ABLIM3: variants seen among roughly 807,000 people sequenced by gnomAD.
ABLIM3 encodes actin binding LIM protein family member 3.
In ABLIM3, 61 loss-of-function variants were observed where a neutral mutation model predicts 109.5. That is an observed-to-expected ratio of 0.56 (90% CI 0.45 to 0.69). The LOEUF is 0.69. Among genes scored for constraint, ABLIM3 ranks in the 30% least tolerant of loss-of-function variants. The probability of loss-of-function intolerance (pLI) is 0.00; values close to 1 mark genes in which losing one functional copy is unlikely to be tolerated. For missense variants in ABLIM3, 796 were observed against 889.5 expected, an observed-to-expected ratio of 0.89 and a Z score of 1.34; for synonymous variants, 300 against 324.8, an observed-to-expected ratio of 0.92 and a Z score of 0.82.
rs1321731648 is a variant in ABLIM3 at position 149,207,069 on chromosome 5, G to A, written c.510G>A (p.Gln170=). Residue 170 remains glutamine, a synonymous_variant, in exon 6 of 24, where the codon CAG becomes CAA. Transcript: ENST00000309868. ...HGQSLLALDK[Q]WHVSCFKCQT... ...AGTCACTCCTGGCTCTGGACAAGCAGTGGCACGTCAGCTGCTTCAAGTGCC... is the reference window on the plus strand; with the variant it reads ...AGTCACTCCTGGCTCTGGACAAGCAATGGCACGTCAGCTGCTTCAAGTGCC... The A allele has an allele frequency of 6.2e-7, 1 of 1,614,092 alleles. No individual in the cohort carries two copies. The highest frequency in any genetic ancestry group is 8.5e-7 in the Non-Finnish European group (1 of 1,180,000).
At chr5:149,216,136 CTCTA>C (rs1429226884) in intron 7 of ABLIM3, among the ~76,000 whole-genome samples, 6 of 152,288 alleles carry the variant, frequency 3.9e-5, no homozygotes, top group African/African-American at 1.4e-4. Context: ...GGATCTGGGG[CTCTA>C]CAGTGGGTCC....
intron 23 of ABLIM3, among the ~76,000 whole-genome samples, chr5:149,253,879 G>A (rs576417711): frequency 6.6e-6 from 1 of 152,278 alleles, no homozygotes; most frequent in Non-Finnish European, 1.5e-5. Flanking sequence ...ACCTGAGACT[G>A]GGTAATTTAT....
chr5:149,249,611 G>C (rs868155770), intron 18 of ABLIM3, among the ~76,000 whole-genome samples: 7 of 152,304 alleles, frequency 4.6e-5, no homozygotes, highest in East Asian at 3.9e-4. Flanking sequence ...CAGGTGCCAG[G>C]CTGGGAGCTG....
chr5:149,218,665 C>CT (rs1581158698), intron 8 of ABLIM3: 1 of 152,288 alleles, frequency 6.6e-6, no homozygotes, highest in African/African-American at 2.4e-5. Context: ...ACTCATGGCC[C>CT]TTTCCCTTGT....
At chr5:149,180,244 C>A (rs1290391635) in intron 2 of ABLIM3, among the ~76,000 whole-genome samples, 2 of 152,134 alleles carry the variant, frequency 1.3e-5, no homozygotes, top group Non-Finnish European at 2.9e-5. Flanking sequence ...GTGACTGAAA[C>A]TTTGCATTTT....
At chr5:149,181,513 G>A (rs1756455510) in intron 2 of ABLIM3, among the ~76,000 whole-genome samples, 1 of 152,216 alleles carries the variant, frequency 6.6e-6, no homozygotes, top group South Asian at 2.1e-4. Context: ...TAAACTGCAT[G>A]AAAGAAAGAT....
chr5:149,209,034 C>G (rs559834373), intron 6 of ABLIM3, among the ~76,000 whole-genome samples: 74 of 152,246 alleles, frequency 4.9e-4, no homozygotes, highest in Admixed American at 1.0e-3. Flanking sequence ...AACATGTGCC[C>G]AGGTGAAGCC....
chr5:149,159,948 C>T (rs992065763), intron 2 of ABLIM3, among the ~76,000 whole-genome samples: 2 of 152,170 alleles, frequency 1.3e-5, no homozygotes, highest in East Asian at 1.9e-4. Context: ...CAGCCCTCTC[C>T]CATCCTTGTA....
intron 2 of ABLIM3, among the ~76,000 whole-genome samples, chr5:149,166,714 A>G (rs572523749): frequency 6.6e-6 from 1 of 152,362 alleles, no homozygotes; most frequent in Non-Finnish European, 1.5e-5. Flanking sequence ...CTTTGCAAAC[A>G]TTCTAAAGAA....
At chr5:149,246,662 G>A in intron 17 of ABLIM3, 116 bp downstream of exon 17, 1 of 1,055,638 alleles carries the variant, frequency 9.5e-7, no homozygotes, top group East Asian at 2.7e-5. Context: ...AAAAAGAAAA[G>A]CATAGCTTTG....
chr5:149,157,524 G>A lies in ABLIM3; in HGVS notation c.13+15416G>A, dbSNP rs143859718. ...CATGGTGTTCTGTCCCCCACCCCCC[G>A]CCCCTGAGAATGACATATGACTTAT... On this transcript the variant is annotated intron_variant, in intron 2 of 23. Transcript: ENST00000309868. 4.8e-3 allele frequency among the ~76,000 whole-genome samples: 469 copies of A among 98,336 alleles called. 4 individuals are homozygous for A. The highest frequency in any genetic ancestry group is 0.019 in the African/African-American group (442 of 23,308). The allele number at this position is 98,336 out of a possible 152,430, so 64.5% of individuals were successfully genotyped here.
chr5:149,195,337 C>T (rs947959557), intron 3 of ABLIM3, among the ~76,000 whole-genome samples: 1 of 152,174 alleles, frequency 6.6e-6, no homozygotes, highest in Non-Finnish European at 1.5e-5. Flanking sequence ...GCATTTATTC[C>T]GGATTTGCTC....
intron 7 of ABLIM3, among the ~76,000 whole-genome samples, chr5:149,213,359 A>G (rs1438623606): frequency 6.6e-6 from 1 of 152,168 alleles, no homozygotes; most frequent in Non-Finnish European, 1.5e-5. Flanking sequence ...TGGGAAGAGA[A>G]TCGGGCATTC....
Position 149,174,937 on chromosome 5 carries a change from A to G in ABLIM3, c.14-8515A>G, listed in dbSNP as rs555466217. 1.2e-4 allele frequency among the ~76,000 whole-genome samples: 18 copies of G among 152,336 alleles called. No individual in the cohort carries two copies. In the South Asian group the frequency reaches 3.7e-3, roughly 32 times the overall value. On this transcript the variant is annotated intron_variant, in intron 2 of 23. Transcript: ENST00000309868. ...AGAGGATGCTTAGGAAGCGCATAGC[A>G]CAATGCCTGGCACATAGTGATTGCT...
Position 149,240,528 on chromosome 5 carries a change from C to T in ABLIM3, c.1205-148C>T, listed in dbSNP as rs181941572. The T allele has an allele frequency of 6.4e-5, 42 of 652,124 alleles. 1 individual carries two copies. Among genetic ancestry groups the T allele is most frequent in the African/African-American group, 1.8e-4 (10 of 55,728 alleles). The allele number at this position is 652,124 out of a possible 1,614,324, so 40.4% of individuals were successfully genotyped here. A position where few individuals can be genotyped will look rare whatever the true frequency, so the allele number is the denominator to read the frequency against. On this transcript the variant is annotated intron_variant, in intron 13 of 23. Coordinates refer to ENST00000309868, the MANE Select transcript of ABLIM3 (RefSeq NM_014945.5). Reference sequence around the variant, plus strand: ...GGTGCATGAGAGCACATGCTGCTTCCGCCCCGGAACCTGAGCACGCTGAGA... The same window carrying T: ...GGTGCATGAGAGCACATGCTGCTTCTGCCCCGGAACCTGAGCACGCTGAGA...
At chr5:149,202,678 T>C (rs1758600595) in intron 5 of ABLIM3, among the ~76,000 whole-genome samples, 1 of 152,174 alleles carries the variant, frequency 6.6e-6, no homozygotes, top group Non-Finnish European at 1.5e-5. Context: ...TAAATAAAGA[T>C]ATTCTGGAAA....
intron 21 of ABLIM3, among the ~76,000 whole-genome samples, chr5:149,251,819 C>T (rs539847307): frequency 1.1e-4 from 16 of 152,340 alleles, no homozygotes; most frequent in African/African-American, 3.1e-4. Context: ...ACACCAAACT[C>T]GACCAGCTCC....
chr5:149,218,798 TC>T (rs1337729412), intron 8 of ABLIM3: 1 of 147,476 alleles, frequency 6.8e-6, no homozygotes, highest in African/African-American at 2.5e-5. Context: ...TCTTCCCCCA[TC>T]CCCACAGCCC....
intron 6 of ABLIM3, among the ~76,000 whole-genome samples, chr5:149,208,350 GTCTCTCTCTCTCTCTCTC>G (rs10564662): frequency 3.2e-4 from 42 of 132,304 alleles, no homozygotes; most frequent in Admixed American, 2.9e-3. Context: ...CTATCTTTTT[GTCTCTCTCTCTCTCTCTC>G]TCTCTCTCTC....
Sources: allele counts gnomAD v4.1 joint callset (sites outside exome capture counted in the v4.1 genomes callset), GRCh38; gene constraint gnomAD v4.1.1; transcripts MANE v1.5; gene names NCBI Gene and HGNC (gene_info 2026-07-23, HGNC 2026-07-21).